ULK4: variants seen among roughly 807,000 people sequenced by gnomAD.
ULK4 encodes inactive serine/threonine-protein kinase ULK4.
In ULK4, 133 loss-of-function variants were observed where a neutral mutation model predicts 160.6. The observed-to-expected ratio is 0.83, with a 90% CI of 0.72 to 0.96. The LOEUF is 0.96. Among genes scored for constraint, ULK4 ranks in the 40% least tolerant of loss-of-function variants. The pLI is 0.00. For missense variants in ULK4, 1,580 were observed against 1,499.5 expected (o/e 1.05, Z -0.89); for synonymous variants, 534 against 539.8 (o/e 0.99, Z 0.15).
intron 32 of ULK4, among the ~76,000 whole-genome samples, chr3:41,562,762 G>C (rs1019862473): frequency 2.0e-5 from 3 of 151,800 alleles, no homozygotes; most frequent in Non-Finnish European, 4.4e-5. Context: ...GTCTCTGCAT[G>C]TGAGATGAGT....
intron 32 of ULK4, among the ~76,000 whole-genome samples, chr3:41,493,148 C>G (rs1381339185): frequency 8.1e-5 from 11 of 135,224 alleles, no homozygotes; most frequent in Non-Finnish European, 1.6e-4. Context: ...CCACACCACA[C>G]CTATTCCAAA....
At position 41,381,686 on chromosome 3, in the gene ULK4, C is replaced by T. The variant is rs117301636; in HGVS notation, c.3678+16393G>A. ...AGTCATGATCAGGACTCTGCTGATA[C>T]AGCAACCCCCTGACATGTATCTCTT... On this transcript the variant is annotated intron_variant, in intron 35 of 36. Transcript: ENST00000301831. Among the ~76,000 whole-genome samples the T allele has an allele frequency of 6.7e-3, 1,016 of 152,248 alleles. 4 individuals carry two copies. The highest frequency in any genetic ancestry group is 0.015 in the African/African-American group (626 of 41,544).
chr3:41,444,827 C>A lies in ULK4; in HGVS notation c.3492+10670G>T, dbSNP rs1016462418. 3.3e-5 allele frequency among the ~76,000 whole-genome samples: 5 copies of A among 152,198 alleles called. No homozygotes were observed. In the East Asian group the frequency reaches 9.7e-4, roughly 29 times the overall value. On this transcript the variant is annotated intron_variant, in intron 34 of 36. Transcript: ENST00000301831. The stretch of plus-strand genomic sequence containing the variant: ...ATCCCATCTCTACTTTAAAAAGATA[C>A]AATCTCACCACTCCTATTCAACATA...
At chr3:41,286,440 C>G (rs2079458858) in intron 35 of ULK4, among the ~76,000 whole-genome samples, 1 of 152,088 alleles carries the variant, frequency 6.6e-6, no homozygotes, top group Non-Finnish European at 1.5e-5. Flanking sequence ...ACAAGCCCAC[C>G]ATATGCTATG....
At position 41,867,314 on chromosome 3, in the gene ULK4, G is replaced by A. The variant is rs546542084; in HGVS notation, c.1656+16560C>T. Among the ~76,000 whole-genome samples, 8 of 152,266 alleles carry A rather than the reference G, an allele frequency of 5.3e-5. No homozygotes were observed. The East Asian group carries it at 7.7e-4, about 15-fold the overall frequency. ...CCACAAGGGCACTTACCGGAAATGCGAATTACTGTGCCCCACTCAAAATCT... is the reference window on the plus strand; with the variant it reads ...CCACAAGGGCACTTACCGGAAATGCAAATTACTGTGCCCCACTCAAAATCT... On this transcript the variant is annotated intron_variant, in intron 17 of 36. Coordinates refer to ENST00000301831, the MANE Select transcript of ULK4 (RefSeq NM_017886.4).
At chr3:41,649,120 C>T (rs560684778) in intron 30 of ULK4, among the ~76,000 whole-genome samples, 1 of 151,672 alleles carries the variant, frequency 6.6e-6, no homozygotes, top group African/African-American at 2.4e-5. Context: ...AGAGTGAGAC[C>T]CTGTATCCAA....
At chr3:41,753,192 C>T (rs1420883410) in intron 22 of ULK4, among the ~76,000 whole-genome samples, 1 of 152,284 alleles carries the variant, frequency 6.6e-6, no homozygotes, top group South Asian at 2.1e-4. Flanking sequence ...GCACTCCAGC[C>T]TGGGCAACAG....
chr3:41,623,097 T>C (rs1309930698), intron 30 of ULK4, among the ~76,000 whole-genome samples: 1 of 152,238 alleles, frequency 6.6e-6, no homozygotes, highest in Non-Finnish European at 1.5e-5. Context: ...ATTAGAATTT[T>C]GTATGATAAA....
intron 31 of ULK4, among the ~76,000 whole-genome samples, chr3:41,613,204 G>A (rs1006195781): frequency 2.6e-5 from 4 of 152,042 alleles, no homozygotes; most frequent in Admixed American, 2.6e-4. Context: ...CTGCTTCCTT[G>A]AAACCTGAAA....
chr3:41,916,301 A>C (rs143534124), intron 7 of ULK4, among the ~76,000 whole-genome samples: 28 of 152,340 alleles, frequency 1.8e-4, no homozygotes, highest in Non-Finnish European at 3.5e-4. Flanking sequence ...TCAAAAACTA[A>C]GTCTTAACAA....
At chr3:41,524,708 G>A (rs879647187) in intron 32 of ULK4, among the ~76,000 whole-genome samples, 2 of 152,142 alleles carry the variant, frequency 1.3e-5, no homozygotes, top group Admixed American at 6.5e-5. Flanking sequence ...GGGAGGCTGA[G>A]GTGGGCAGAT....
chr3:41,721,362 ATTTTTTT>A (rs1192444773), intron 22 of ULK4, among the ~76,000 whole-genome samples: 298 of 27,924 alleles, frequency 0.011, 8 homozygotes, highest in African/African-American at 0.055. Flanking sequence ...ATATATATAT[ATTTTTTT>A]TTTTTTTTTT....
intron 31 of ULK4, among the ~76,000 whole-genome samples, chr3:41,583,040 A>G (rs963734176): frequency 3.9e-5 from 6 of 152,324 alleles, no homozygotes; most frequent in African/African-American, 1.4e-4. Context: ...GGAATATATG[A>G]AATTCTGAAT....
intron 21 of ULK4, among the ~76,000 whole-genome samples, chr3:41,781,465 G>A (rs2039839282): frequency 6.7e-6 from 1 of 149,580 alleles, no homozygotes; most frequent in African/African-American, 2.4e-5. Flanking sequence ...TGGCTATTTT[G>A]AGAATGTATT....
At chr3:41,602,307 A>AGG (rs1491574149) in intron 31 of ULK4, among the ~76,000 whole-genome samples, 8 of 137,822 alleles carry the variant, frequency 5.8e-5, no homozygotes, top group African/African-American at 2.0e-4. Flanking sequence ...AAAGGAAAGG[A>AGG]AAGGAAAGGA....
chr3:41,387,788 G>A (rs1040914909), intron 35 of ULK4, among the ~76,000 whole-genome samples: 1 of 152,162 alleles, frequency 6.6e-6, no homozygotes, highest in African/African-American at 2.4e-5. Flanking sequence ...GGACATTTGG[G>A]TTGGTTCCAA....
At chr3:41,950,024 C>A (rs1245530934) in intron 2 of ULK4, among the ~76,000 whole-genome samples, 1 of 152,138 alleles carries the variant, frequency 6.6e-6, no homozygotes, top group African/African-American at 2.4e-5. Context: ...GCATGAGCCA[C>A]CACACCTGGC....
chr3:41,559,217 T>A (rs1185634182), intron 32 of ULK4, among the ~76,000 whole-genome samples: 4 of 141,808 alleles, frequency 2.8e-5, no homozygotes, highest in Non-Finnish European at 4.7e-5. Flanking sequence ...CATCCTTTTT[T>A]ATGGCTGCAT....
chr3:41,522,780 T>C (rs531971180), intron 32 of ULK4, among the ~76,000 whole-genome samples: 23 of 152,358 alleles, frequency 1.5e-4, no homozygotes, highest in African/African-American at 5.3e-4. Flanking sequence ...CCAGTGATTT[T>C]CATTGTGTTC....
Sources: allele counts gnomAD v4.1 joint callset (sites outside exome capture counted in the v4.1 genomes callset), GRCh38; gene constraint gnomAD v4.1.1; transcripts MANE v1.5; gene names NCBI Gene and HGNC (gene_info 2026-07-23, HGNC 2026-07-21).